Variants in WWOX observed in about 807,000 individuals in gnomAD.
The protein encoded by WWOX is WW domain-containing oxidoreductase.
Under a neutral mutation model 46.2 loss-of-function variants are expected in WWOX, and 69 were observed. The observed-to-expected ratio is 1.49, with a 90% CI of 1.23 to 1.82. The LOEUF is 1.82. Among genes scored for constraint, WWOX ranks in the 40% most tolerant of loss-of-function variants. The probability of loss-of-function intolerance (pLI) is 0.00; values close to 1 mark genes in which losing one functional copy is unlikely to be tolerated. For missense variants in WWOX, 919 were observed against 542.6 expected (o/e 1.69, Z -6.89); for synonymous variants, 359 against 202.6 (o/e 1.77, Z -6.56).
At chr16:78,260,419 C>T (rs574124987) in intron 5 of WWOX, among the ~76,000 whole-genome samples, 4 of 151,688 alleles carry the variant, frequency 2.6e-5, no homozygotes, top group Non-Finnish European at 5.9e-5. Context: ...AATCCCAGCA[C>T]TTTGGGAGGC....
intron 8 of WWOX, among the ~76,000 whole-genome samples, chr16:78,977,102 C>A (rs1165909038): frequency 6.6e-6 from 1 of 152,182 alleles, no homozygotes; most frequent in Non-Finnish European, 1.5e-5. Flanking sequence ...CAGGCAATTT[C>A]CTACAAGCTC....
chr16:78,927,279 C>T (rs887440970), intron 8 of WWOX, among the ~76,000 whole-genome samples: 5 of 152,204 alleles, frequency 3.3e-5, no homozygotes, highest in Non-Finnish European at 7.3e-5. Flanking sequence ...AAGAACATGA[C>T]ACCGGCCTCC....
chr16:78,111,564 A>G (rs1403860290), intron 3 of WWOX, among the ~76,000 whole-genome samples: 2 of 152,140 alleles, frequency 1.3e-5, no homozygotes, highest in Admixed American at 1.3e-4. Flanking sequence ...GCAGACCGCG[A>G]AAGGGAGTCT....
At chr16:78,671,057 G>A (rs1000563720) in intron 8 of WWOX, among the ~76,000 whole-genome samples, 2 of 152,170 alleles carry the variant, frequency 1.3e-5, no homozygotes, top group Non-Finnish European at 2.9e-5. Context: ...TTCTCCTGCA[G>A]AACCCCCAGA....
Position 78,127,879 on chromosome 16 carries a change from CAG to C in WWOX, c.409+12727_409+12728del, listed in dbSNP as rs1420235846. 2.0e-5 allele frequency among the ~76,000 whole-genome samples: 3 copies of C among 152,158 alleles called. No homozygotes were observed. In the East Asian group the frequency reaches 5.8e-4, roughly 29 times the overall value. On this transcript the variant is annotated intron_variant, in intron 4 of 8. Coordinates refer to ENST00000566780, the MANE Select transcript of WWOX (RefSeq NM_016373.4). ...GTAGGAAGAGAGCTGTAATTTGACA[CAG>C]ATTGTCCTTAACTTGGGTGACTTAA...
chr16:78,755,259 C>G (rs1209946242), intron 8 of WWOX, among the ~76,000 whole-genome samples: 1 of 145,716 alleles, frequency 6.9e-6, no homozygotes. Context: ...AAAAAGAAAA[C>G]ACCGGAAAAA....
At chr16:78,634,124 G>A (rs1055316946) in intron 8 of WWOX, among the ~76,000 whole-genome samples, 1 of 152,140 alleles carries the variant, frequency 6.6e-6, no homozygotes, top group Non-Finnish European at 1.5e-5. Flanking sequence ...CTGTACCAGA[G>A]AGAGACCTTT....
At chr16:78,151,112 A>C (rs1005478238) in intron 4 of WWOX, among the ~76,000 whole-genome samples, 1 of 150,872 alleles carries the variant, frequency 6.6e-6, no homozygotes, top group Non-Finnish European at 1.5e-5. Context: ...CTTGGGTTTA[A>C]GTGATCCTCT....
intron 5 of WWOX, among the ~76,000 whole-genome samples, chr16:78,307,752 A>C (rs866142314): frequency 6.6e-6 from 1 of 151,396 alleles, no homozygotes; most frequent in Non-Finnish European, 1.5e-5. Context: ...TGCCTCCCAC[A>C]TACTGGACCC....
intron 8 of WWOX, among the ~76,000 whole-genome samples, chr16:78,965,176 T>G (rs1226486641): frequency 6.6e-6 from 1 of 152,212 alleles, no homozygotes; most frequent in Non-Finnish European, 1.5e-5. Context: ...GAAAGTGAAC[T>G]AAGCTCTTTA....
intron 8 of WWOX, among the ~76,000 whole-genome samples, chr16:78,572,808 G>T (rs1241551303): frequency 1.3e-5 from 2 of 152,040 alleles, no homozygotes; most frequent in Non-Finnish European, 2.9e-5. Context: ...GAGGAAAACA[G>T]AATGGTGCCA....
intron 8 of WWOX, chr16:79,077,995 T>C (rs1463909995): frequency 6.6e-6 from 1 of 152,146 alleles, no homozygotes; most frequent in Non-Finnish European, 1.5e-5. Flanking sequence ...GTGGCTACCT[T>C]GGGAGGTGCC....
chr16:79,008,384 C>G (rs1023980349), intron 8 of WWOX, among the ~76,000 whole-genome samples: 1 of 152,200 alleles, frequency 6.6e-6, no homozygotes, highest in Admixed American at 6.5e-5. Flanking sequence ...GCAAAACCAA[C>G]TGCGTTCAGG....
intron 8 of WWOX, among the ~76,000 whole-genome samples, chr16:78,602,596 C>T (rs2045647635): frequency 6.6e-6 from 1 of 152,168 alleles, no homozygotes; most frequent in Admixed American, 6.5e-5. Flanking sequence ...CATCCCTTTC[C>T]ATGCAAAAGA....
chr16:78,144,799 G>A (rs1053914326), intron 4 of WWOX, among the ~76,000 whole-genome samples: 6 of 151,786 alleles, frequency 4.0e-5, no homozygotes, highest in Non-Finnish European at 7.4e-5. Flanking sequence ...GGGATTACAG[G>A]CGTGAGCCAC....
intron 8 of WWOX, among the ~76,000 whole-genome samples, chr16:78,936,774 G>T (rs1355744866): frequency 6.6e-6 from 1 of 151,530 alleles, no homozygotes; most frequent in African/African-American, 2.4e-5. Flanking sequence ...TAAAAAAAAA[G>T]TCAGTGCTAC....
chr16:78,939,780 A>C (rs1403935047), intron 8 of WWOX, among the ~76,000 whole-genome samples: 2 of 152,198 alleles, frequency 1.3e-5, no homozygotes, highest in Admixed American at 1.3e-4. Flanking sequence ...CAGTTCTCCA[A>C]ATTCCACTTC....
chr16:78,499,147 C>T (rs1003612751), intron 8 of WWOX, among the ~76,000 whole-genome samples: 2 of 152,078 alleles, frequency 1.3e-5, no homozygotes, highest in African/African-American at 2.4e-5. Context: ...CTTCTCTTTC[C>T]TCGTGATGCA....
At chr16:78,870,100 C>G (rs1013613132) in intron 8 of WWOX, among the ~76,000 whole-genome samples, 2 of 152,116 alleles carry the variant, frequency 1.3e-5, no homozygotes, top group East Asian at 1.9e-4. Flanking sequence ...TGTGTAAGGC[C>G]AGGCCTAAGT....
Sources: allele counts gnomAD v4.1 joint callset (sites outside exome capture counted in the v4.1 genomes callset), GRCh38; gene constraint gnomAD v4.1.1; transcripts MANE v1.5; gene names NCBI Gene and HGNC (gene_info 2026-07-23, HGNC 2026-07-21).